GRIN2A: variants seen among roughly 807,000 people sequenced by gnomAD.
GRIN2A encodes glutamate receptor ionotropic, NMDA 2A.
GRIN2A carries 22 observed loss-of-function variants against 113.4 expected under a neutral mutation model. That is an observed-to-expected ratio of 0.19 (90% CI 0.14 to 0.28). GRIN2A has a LOEUF of 0.28. Among genes scored for constraint, GRIN2A ranks in the 10% least tolerant of loss-of-function variants. The probability of loss-of-function intolerance (pLI) is 1.00; values close to 1 mark genes in which losing one functional copy is unlikely to be tolerated. For synonymous variants in GRIN2A, 827 were observed against 738.4 expected (o/e 1.12, Z -1.94); for missense variants, 1,502 against 1,887.0 (o/e 0.80, Z 3.78).
At chr16:9,850,958 C>T (rs1355934828) in intron 4 of GRIN2A, among the ~76,000 whole-genome samples, 5 of 152,166 alleles carry the variant, frequency 3.3e-5, no homozygotes, top group Admixed American at 6.5e-5. Flanking sequence ...CATTGCTTGA[C>T]ACCACAGGTC....
chr16:9,995,208 C>T (rs1283703850), intron 2 of GRIN2A, among the ~76,000 whole-genome samples: 5 of 152,080 alleles, frequency 3.3e-5, no homozygotes, highest in Non-Finnish European at 7.4e-5. Flanking sequence ...AAGAAATCAG[C>T]CCCCTGGAGA....
intron 2 of GRIN2A, among the ~76,000 whole-genome samples, chr16:10,152,508 G>T (rs553518993): frequency 6.6e-6 from 1 of 152,130 alleles, no homozygotes; most frequent in East Asian, 1.9e-4. Flanking sequence ...AGTCCAGTCC[G>T]TTTTCCCCCC....
intron 2 of GRIN2A, among the ~76,000 whole-genome samples, chr16:10,117,192 C>G (rs28493379): frequency 0.063 from 9,527 of 152,176 alleles, 587 homozygotes; most frequent in African/African-American, 0.15. Flanking sequence ...GTTGTTGGCT[C>G]CAATTCTTGG....
chr16:10,025,780 C>G (rs2046808587), intron 2 of GRIN2A, among the ~76,000 whole-genome samples: 1 of 152,054 alleles, frequency 6.6e-6, no homozygotes, highest in South Asian at 2.1e-4. Flanking sequence ...GACAGGCAGG[C>G]TAGGGGATGC....
chr16:9,822,272 C>T lies in GRIN2A; in HGVS notation c.2160G>A (p.Leu720=). ...GAAACTGCCATCCTTACCCCGTTTTCAGGCTGACCAAGGCGTCCTCTACTC... is the reference window on the plus strand; with the variant it reads ...GAAACTGCCATCCTTACCCCGTTTTTAGGCTGACCAAGGCGTCCTCTACTC... ...QKGVEDALVS[L]KTGKLDAFIY... The change falls in exon 10 of 13, where the codon CTG becomes CTA. Residue 720 remains leucine (L), a synonymous_variant. Coordinates refer to ENST00000330684, the MANE Select transcript of GRIN2A (RefSeq NM_001134407.3). The T allele has an allele frequency of 6.2e-7, 1 of 1,613,884 alleles. No homozygotes were observed.
At chr16:9,822,800 T>G (rs564085192) in intron 9 of GRIN2A, among the ~76,000 whole-genome samples, 2 of 152,344 alleles carry the variant, frequency 1.3e-5, no homozygotes, top group Non-Finnish European at 2.9e-5. Flanking sequence ...TGAGCTGAAC[T>G]TAAGGTACTA....
At chr16:10,057,747 G>A (rs183446993) in intron 2 of GRIN2A, among the ~76,000 whole-genome samples, 5 of 152,256 alleles carry the variant, frequency 3.3e-5, no homozygotes, top group Non-Finnish European at 1.5e-5. Flanking sequence ...AGACTGCAAA[G>A]CTTTCTTGAA....
At chr16:10,056,675 A>T (rs992670739) in intron 2 of GRIN2A, among the ~76,000 whole-genome samples, 6 of 152,140 alleles carry the variant, frequency 3.9e-5, no homozygotes, top group Non-Finnish European at 2.9e-5. Context: ...GAACACACAC[A>T]AGGAGAAGGC....
intron 12 of GRIN2A, 70 bp from the exon 13 acceptor site, chr16:9,765,018 C>A (rs149546008): frequency 6.3e-7 from 1 of 1,597,462 alleles, no homozygotes. Flanking sequence ...TGCACTTGAA[C>A]TTTACCTGCA....
intron 3 of GRIN2A, among the ~76,000 whole-genome samples, chr16:9,897,202 T>TTACATATTATATATATATG (rs140181121): frequency 4.4e-4 from 38 of 86,212 alleles, no homozygotes; most frequent in African/African-American, 2.1e-3. Flanking sequence ...ACATATATAT[T>TTACATATTATATATATATG]TACATATTTT....
At position 9,755,114 on chromosome 16, in the gene GRIN2A, C is replaced by T. The variant is rs1277418301; in HGVS notation, c.*8035G>A. On this transcript the variant is annotated 3_prime_UTR_variant, in exon 13 of 13. Coordinates refer to ENST00000330684, the MANE Select transcript of GRIN2A (RefSeq NM_001134407.3). ...TTCTAGGATTGCAAAAATGCAAACT[C>T]ATTGTTTCACTGACATAGTAAGTAA... 2 of 198,122 alleles carry T rather than the reference C, an allele frequency of 1.0e-5. No individual in the cohort carries two copies. Among genetic ancestry groups the T allele is most frequent in the African/African-American group, 2.3e-5 (1 of 43,376 alleles). 12.3% of individuals were successfully genotyped at this position (198,122 alleles called of 1,614,324 possible). A position where few individuals can be genotyped will look rare whatever the true frequency, so the allele number is the denominator to read the frequency against.
At chr16:9,864,882 T>C (rs1459989643) in intron 4 of GRIN2A, among the ~76,000 whole-genome samples, 1 of 152,194 alleles carries the variant, frequency 6.6e-6, no homozygotes, top group Non-Finnish European at 1.5e-5. Context: ...ACATTTTCCT[T>C]CTTCCAAATG....
chr16:9,948,128 C>T (rs543901824), intron 2 of GRIN2A, among the ~76,000 whole-genome samples: 1 of 152,348 alleles, frequency 6.6e-6, no homozygotes, highest in African/African-American at 2.4e-5. Flanking sequence ...AATGTTAAAC[C>T]TGAATGTTCC....
At chr16:9,997,871 C>T (rs892045098) in intron 2 of GRIN2A, among the ~76,000 whole-genome samples, 3 of 152,160 alleles carry the variant, frequency 2.0e-5, no homozygotes, top group African/African-American at 7.2e-5. Context: ...TGCCTTTGTT[C>T]CTGCTTTACC....
intron 11 of GRIN2A, among the ~76,000 whole-genome samples, chr16:9,789,469 A>G (rs1214969777): frequency 2.0e-5 from 3 of 152,082 alleles, no homozygotes; most frequent in Admixed American, 6.6e-5. Context: ...GTTGCTGACT[A>G]TTATGTGGGA....
At chr16:10,048,102 C>A (rs1430849040) in intron 2 of GRIN2A, among the ~76,000 whole-genome samples, 1 of 152,208 alleles carries the variant, frequency 6.6e-6, no homozygotes. Context: ...AGTTATATTT[C>A]CTGATTAGAA....
At chr16:9,879,641 A>T (rs1057356138) in intron 4 of GRIN2A, among the ~76,000 whole-genome samples, 1 of 152,090 alleles carries the variant, frequency 6.6e-6, no homozygotes, top group Non-Finnish European at 1.5e-5. Context: ...AGTGTAGCTC[A>T]TGTCTAAGAG....
chr16:10,126,359 G>T (rs549076683), intron 2 of GRIN2A, among the ~76,000 whole-genome samples: 1 of 151,778 alleles, frequency 6.6e-6, no homozygotes, highest in Admixed American at 6.6e-5. Flanking sequence ...AGAGAGGGGG[G>T]TCTCGCTATG....
intron 2 of GRIN2A, among the ~76,000 whole-genome samples, chr16:10,174,149 A>AG (rs2050099262): frequency 6.6e-6 from 1 of 152,134 alleles, no homozygotes; most frequent in South Asian, 2.1e-4. Context: ...CCAGGGAAAA[A>AG]GGGGAAGAAC....
Sources: gnomAD v4.1 joint callset for allele counts (sites outside exome capture counted in the v4.1 genomes callset) on GRCh38, gnomAD v4.1.1 for gene constraint, MANE v1.5 for transcripts, NCBI Gene and HGNC (gene_info 2026-07-23, HGNC 2026-07-21) for gene names.